Variants in FSD1 observed in about 807,000 individuals in gnomAD.
FSD1 encodes fibronectin type III and SPRY domain-containing protein 1.
A neutral mutation model predicts 58.2 loss-of-function variants in FSD1; 23 were observed. The observed-to-expected ratio is 0.40, with a 90% CI of 0.28 to 0.56. The LOEUF is 0.56. Among genes scored for constraint, FSD1 ranks in the 20% least tolerant of loss-of-function variants. The probability of loss-of-function intolerance (pLI) is 0.54; values close to 1 mark genes in which losing one functional copy is unlikely to be tolerated. For missense variants in FSD1, 563 were observed against 670.8 expected (o/e 0.84, Z 1.78); for synonymous variants, 265 against 263.4 (o/e 1.01, Z -0.06).
chr19:4,312,318 A>G (rs192008943), intron 7 of FSD1, among the ~76,000 whole-genome samples: 1 of 151,602 alleles, frequency 6.6e-6, no homozygotes, highest in African/African-American at 2.4e-5. Context: ...GTGAAACCCT[A>G]TCTCTACTAA....
Position 4,316,987 on chromosome 19 carries a change from A to G in FSD1, c.701-195A>G, listed in dbSNP as rs571539646. ...AGGCTGGTCTCGAACTCCCAACCTC[A>G]GTTGATCCATGCGCCTCGGCCTTCC... On this transcript the variant is annotated intron_variant, in intron 7 of 12. Transcript: ENST00000221856. 9.2e-5 allele frequency among the ~76,000 whole-genome samples: 14 copies of G among 152,278 alleles called. No homozygotes were observed. In the South Asian group the frequency reaches 2.7e-3, roughly 29 times the overall value.
chr19:4,316,682 G>C (rs1340782348), intron 7 of FSD1, among the ~76,000 whole-genome samples: 1 of 152,130 alleles, frequency 6.6e-6, no homozygotes, highest in Non-Finnish European at 1.5e-5. Context: ...GTGGAGTCAA[G>C]TAATTCATAG....
intron 7 of FSD1, among the ~76,000 whole-genome samples, chr19:4,312,814 A>C (rs1971709491): frequency 1.4e-5 from 2 of 146,908 alleles, no homozygotes; most frequent in African/African-American, 5.3e-5. Flanking sequence ...CAAAAAATAA[A>C]TAAATAAATA....
At position 4,318,497 on chromosome 19, in the gene FSD1, C is replaced by T. The variant is rs61745175; in HGVS notation, c.951C>T (p.Ser317=). ...GKGRTASPIN[S]PARGTPSPKR... ...GGCGGACGGCGTCTCCCATCAACTCCCCAGCCAGGTAGCCTGCCCCCTCCC... is the reference window on the plus strand; with the variant it reads ...GGCGGACGGCGTCTCCCATCAACTCTCCAGCCAGGTAGCCTGCCCCCTCCC... Residue 317 remains serine (S), a synonymous_variant, in exon 9 of 13, where the codon TCC becomes TCT. Coordinates refer to ENST00000221856, the MANE Select transcript of FSD1 (RefSeq NM_024333.3). 865 of 1,606,236 alleles carry T rather than the reference C, an allele frequency of 5.4e-4. 2 individuals carry two copies. The African/African-American group carries it at 0.011, about 20-fold the overall frequency.
At chr19:4,322,937 C>G in intron 10 of FSD1, 49 bp from the exon 11 acceptor site, 1 of 1,564,738 alleles carries the variant, frequency 6.4e-7, no homozygotes, top group Non-Finnish European at 8.7e-7. Context: ...GCATCTGTGG[C>G]CCAGTTCTAT....
intron 4 of FSD1, among the ~76,000 whole-genome samples, chr19:4,309,920 AAC>A (rs200963556): frequency 0.039 from 5,671 of 144,198 alleles, 329 homozygotes; most frequent in African/African-American, 0.14. Context: ...AAAAAAAAAA[AAC>A]ACAAAAAATG....
At chr19:4,320,215 G>C (rs535666245) in intron 10 of FSD1, among the ~76,000 whole-genome samples, 1 of 152,148 alleles carries the variant, frequency 6.6e-6, no homozygotes, top group East Asian at 1.9e-4. Context: ...TGGAGTTGGG[G>C]TCTGGATAGA....
intron 10 of FSD1, 74 bp from the exon 11 acceptor site, chr19:4,322,912 G>T: frequency 1.3e-6 from 2 of 1,513,348 alleles, no homozygotes; most frequent in South Asian, 1.3e-5. Context: ...TTGGGGGCTG[G>T]CCCTTTGTGG....
At chr19:4,311,675 A>G in intron 6 of FSD1, 167 bp from the exon 7 acceptor site, 1 of 602,900 alleles carries the variant, frequency 1.7e-6, no homozygotes, top group Non-Finnish European at 2.9e-6. Flanking sequence ...CAAGAGCAAG[A>G]CTCTGTCTCT....
At position 4,318,273 on chromosome 19, in the gene FSD1, C is replaced by G. The variant is rs186521268; in HGVS notation, c.800-73C>G. 2.8e-4 allele frequency: 451 copies of G among 1,600,212 alleles called. 1 individual carries two copies. The East Asian group carries it at 9.6e-3, about 34-fold the overall frequency. ...TGTCTTGGTCTGTCTTGGTCACTCT[C>G]TGTCTCTCTGTCTCTCTCTGTGTCT... On this transcript the variant is annotated intron_variant, in intron 8 of 12. Transcript: ENST00000221856.
chr19:4,316,168 C>T (rs1971753242), intron 7 of FSD1, among the ~76,000 whole-genome samples: 2 of 152,020 alleles, frequency 1.3e-5, no homozygotes, highest in South Asian at 4.1e-4. Context: ...TCACATGCTC[C>T]TCCTCCCTCA....
intron 7 of FSD1, among the ~76,000 whole-genome samples, chr19:4,312,860 T>C (rs954662105): frequency 6.6e-6 from 1 of 151,648 alleles, no homozygotes; most frequent in Non-Finnish European, 1.5e-5. Flanking sequence ...AATATATTTT[T>C]CCAGACATGG....
At chr19:4,316,581 C>T (rs2144765868) in intron 7 of FSD1, among the ~76,000 whole-genome samples, 1 of 151,892 alleles carries the variant, frequency 6.6e-6, no homozygotes, top group South Asian at 2.1e-4. Context: ...ATGTGTCGCC[C>T]AGGCTGGAGT....
chr19:4,307,893 T>C lies in FSD1; in HGVS notation c.255T>C (p.Ala85=). The change falls in exon 4 of 13, where the codon GCT becomes GCC. Residue 85 remains alanine (A), a synonymous_variant. Transcript: ENST00000221856. The part of the protein sequence containing the change: ...SRTYELQNQL[A]ACTRALESSE... ...CCTGGTATCCACAGAACCAGCTGGC[T>C]GCCTGCACGCGGGCCCTGGAGAGCT... is the stretch of plus-strand genomic sequence containing the variant. 3 of 1,613,326 alleles carry C rather than the reference T, an allele frequency of 1.9e-6. No homozygotes were observed. The highest frequency in any genetic ancestry group is 2.5e-6 in the Non-Finnish European group (3 of 1,179,690).
At chr19:4,321,223 G>A (rs965106884) in intron 10 of FSD1, among the ~76,000 whole-genome samples, 2 of 150,950 alleles carry the variant, frequency 1.3e-5, no homozygotes, top group Non-Finnish European at 1.5e-5. Context: ...AGTATCTGGG[G>A]GGAATAGCTG....
intron 9 of FSD1, 55 bp from the exon 10 acceptor site, chr19:4,318,817 A>C: frequency 1.4e-6 from 2 of 1,397,078 alleles, no homozygotes; most frequent in Non-Finnish European, 2.0e-6. Context: ...TTACCGTGGG[A>C]GAGAGAAGTG....
chr19:4,317,904 C>T (rs977641673), intron 8 of FSD1, among the ~76,000 whole-genome samples: 1 of 152,170 alleles, frequency 6.6e-6, no homozygotes, highest in Non-Finnish European at 1.5e-5. Flanking sequence ...GTAGTCCCAG[C>T]TACTTGGGAG....
chr19:4,309,358 A>G (rs1310733807), intron 4 of FSD1, among the ~76,000 whole-genome samples: 1 of 152,232 alleles, frequency 6.6e-6, no homozygotes, highest in Non-Finnish European at 1.5e-5. Context: ...TTGTGTGAGT[A>G]TATCCCAAAG....
In FSD1 at chr19:4,310,498, G is replaced by A. The variant is rs543807342; in HGVS notation, c.392G>A (p.Arg131Gln). Reference sequence around the variant, plus strand: ...AGAGTGACCATGGCCCCTGCCTTCCGGCTATCATTGAAAGCGAAGGTCAGT... The same window carrying A: ...AGAGTGACCATGGCCCCTGCCTTCCAGCTATCATTGAAAGCGAAGGTCAGT... ...KDGVTMAPAFRLSLKAKVSDN... is the reference protein window; with the variant it reads ...KDGVTMAPAFQLSLKAKVSDN... The change falls in exon 6 of 13, where the codon CGG (arginine) becomes CAG (glutamine). Residue 131 changes from arginine (R) to glutamine (Q), a missense_variant. Coordinates refer to ENST00000221856, the MANE Select transcript of FSD1 (RefSeq NM_024333.3). 9.3e-6 allele frequency: 15 copies of A among 1,613,150 alleles called. No individual in the cohort carries two copies. The highest frequency in any genetic ancestry group is 1.3e-5 in the Non-Finnish European group (15 of 1,179,336).
Sources: gnomAD v4.1 joint callset for allele counts (sites outside exome capture counted in the v4.1 genomes callset) on GRCh38, gnomAD v4.1.1 for gene constraint, MANE v1.5 for transcripts, NCBI Gene and HGNC (gene_info 2026-07-23, HGNC 2026-07-21) for gene names.